The following PCDHGA4 variants were observed in gnomAD, a reference collection of about 807,000 sequenced individuals.
The protein encoded by PCDHGA4 is protocadherin gamma subfamily A, 4, also known as protocadherin gamma-A4.
A neutral mutation model predicts 54.6 loss-of-function variants in PCDHGA4; 38 were observed. The observed-to-expected ratio is 0.70, with a 90% CI of 0.54 to 0.91. The LOEUF (loss-of-function observed/expected upper bound fraction) is 0.91, where lower values mean the gene tolerates loss of function less well. PCDHGA4 is among the 40% of genes least tolerant of loss of function. The pLI is 0.00. For synonymous variants in PCDHGA4, 511 were observed against 512.9 expected, an observed-to-expected ratio of 1.00 and a Z score of 0.05; for missense variants, 1,298 against 1,220.9, an observed-to-expected ratio of 1.06 and a Z score of -0.94.
At chr5:141,448,999 G>GT (rs910018882) in intron 1 of PCDHGA4, among the ~76,000 whole-genome samples, 19 of 151,698 alleles carry the variant, frequency 1.3e-4, no homozygotes, top group South Asian at 2.1e-4. Flanking sequence ...ATAGAAAGCT[G>GT]TTTTTTTTAA....
intron 1 of PCDHGA4, among the ~76,000 whole-genome samples, chr5:141,462,448 G>A (rs1435453503): frequency 6.6e-6 from 1 of 152,022 alleles, no homozygotes; most frequent in Non-Finnish European, 1.5e-5. Context: ...ACACAACTGT[G>A]TAACTGAAAA....
Position 141,477,310 on chromosome 5 carries a change from C to T in PCDHGA4, c.2515-17497C>T. On this transcript the variant is annotated intron_variant, in intron 1 of 3. Coordinates refer to ENST00000571252, the MANE Select transcript of PCDHGA4 (RefSeq NM_018917.4). This position sits in a 1 kb window ranked among gnomAD's most constrained non-coding sequence, Gnocchi z 4.9. ...AAGTTCCACCGGGTCTCCCTTTCAGCCTTACTTCTTCCCTCAAGAATTACT... is the reference window on the plus strand; with the variant it reads ...AAGTTCCACCGGGTCTCCCTTTCAGTCTTACTTCTTCCCTCAAGAATTACT... The T allele has an allele frequency of 6.2e-7, 1 of 1,614,154 alleles. No homozygotes were observed. Among genetic ancestry groups the T allele is most frequent in the Non-Finnish European group, 8.5e-7 (1 of 1,180,018 alleles).
intron 1 of PCDHGA4, chr5:141,361,453 C>G (rs758759325): frequency 1.2e-6 from 2 of 1,614,046 alleles, no homozygotes; most frequent in Non-Finnish European, 1.7e-6. Flanking sequence ...AATTGTCACC[C>G]TGCACATCTC....
At chr5:141,360,382 GACTT>G (rs771983102) in intron 1 of PCDHGA4, 1 of 1,613,906 alleles carries the variant, frequency 6.2e-7, no homozygotes, top group Non-Finnish European at 8.5e-7. Context: ...AGAAAGCGGA[GACTT>G]ACTTGTGAGT....
At chr5:141,419,094 G>C in intron 1 of PCDHGA4, 2 of 1,613,894 alleles carry the variant, frequency 1.2e-6, no homozygotes, top group Non-Finnish European at 1.7e-6. Context: ...GCCCTGGATC[G>C]GGAGCAGACC....
At chr5:141,394,446 A>C in intron 1 of PCDHGA4, 1 of 1,614,246 alleles carries the variant, frequency 6.2e-7, no homozygotes, top group Non-Finnish European at 8.5e-7. Flanking sequence ...CCTCAGCAGC[A>C]ACATGTCACT....
chr5:141,466,297 A>G (rs1206472131), intron 1 of PCDHGA4, among the ~76,000 whole-genome samples: 3 of 152,146 alleles, frequency 2.0e-5, no homozygotes, highest in East Asian at 1.9e-4. Flanking sequence ...CAGGCTCCCA[A>G]GTAGCTGGGA....
At chr5:141,387,655 C>T (rs2091029456) in intron 1 of PCDHGA4, 1 of 644,664 alleles carries the variant, frequency 1.6e-6, no homozygotes, top group Admixed American at 3.3e-5. Context: ...AAGTGGAGAG[C>T]TTGGCGCTCC....
chr5:141,485,060 G>C lies in PCDHGA4; in HGVS notation c.2515-9747G>C. ...ACCCTTGCGGCGCCGGCCGAACCGCGCCAGAGCTGGCGCGGGGAAAGGGAG... is the reference window on the plus strand; with the variant it reads ...ACCCTTGCGGCGCCGGCCGAACCGCCCCAGAGCTGGCGCGGGGAAAGGGAG... On this transcript the variant is annotated intron_variant, in intron 1 of 3. Transcript: ENST00000571252. This position sits in a 1 kb window ranked among gnomAD's most constrained non-coding sequence, Gnocchi z 5.7. 1 of 862,304 alleles carries C rather than the reference G, an allele frequency of 1.2e-6. No individual in the cohort carries two copies. The highest frequency in any genetic ancestry group is 1.9e-6 in the Non-Finnish European group (1 of 540,422). 53.4% of individuals were successfully genotyped at this position (862,304 alleles called of 1,614,324 possible).
chr5:141,371,113 C>A lies in PCDHGA4; in HGVS notation c.2514+13492C>A. The A allele has an allele frequency of 6.2e-7, 1 of 1,613,950 alleles. No homozygotes were observed. Among genetic ancestry groups the A allele is most frequent in the Non-Finnish European group, 8.5e-7 (1 of 1,179,846 alleles). ...GTCGCAGATGCAAATGATAACCCCC[C>A]AGTATTTACTCAGGACATGTACAGG... On this transcript the variant is annotated intron_variant, in intron 1 of 3. Coordinates refer to ENST00000571252, the MANE Select transcript of PCDHGA4 (RefSeq NM_018917.4).
chr5:141,441,835 G>A (rs1423189098), intron 1 of PCDHGA4: 9 of 353,636 alleles, frequency 2.5e-5, no homozygotes, highest in Admixed American at 2.1e-4. Flanking sequence ...CAATGGCTTC[G>A]CGCTCTTGGA....
At chr5:141,433,362 T>C (rs1285511534) in intron 1 of PCDHGA4, 6 of 299,814 alleles carry the variant, frequency 2.0e-5, no homozygotes, top group Non-Finnish European at 2.5e-5. Flanking sequence ...TGTCTGCCTA[T>C]CTATCTATCT....
intron 1 of PCDHGA4, among the ~76,000 whole-genome samples, chr5:141,475,339 T>C (rs1295364417): frequency 1.3e-5 from 2 of 152,188 alleles, no homozygotes; most frequent in Non-Finnish European, 2.9e-5. Flanking sequence ...AACAATGACA[T>C]CCAGTTTTAA....
chr5:141,468,315 C>T (rs1197043569), intron 1 of PCDHGA4: 4 of 120,552 alleles, frequency 3.3e-5, no homozygotes, highest in Non-Finnish European at 5.0e-5. Context: ...ACAAGAGCAA[C>T]GGTAAACTCC....
intron 1 of PCDHGA4, among the ~76,000 whole-genome samples, chr5:141,456,955 T>A (rs1352654794): frequency 2.6e-5 from 4 of 151,974 alleles, no homozygotes; most frequent in African/African-American, 7.3e-5. Flanking sequence ...AGAGCAAAAC[T>A]CCATCTCAAA....
At position 141,355,705 on chromosome 5, in the gene PCDHGA4, G is replaced by A. The variant is rs752821491; in HGVS notation, c.598G>A (p.Gly200Ser). The A allele has an allele frequency of 1.2e-6, 2 of 1,613,940 alleles. No individual in the cohort carries two copies. The highest frequency in any genetic ancestry group is 1.7e-6 in the Non-Finnish European group (2 of 1,179,888). ...GGATGTAGGTGTAAACTCCCTGCAG[G>A]GTTACCAGCTCAACTCAAACGGTTA... Reference protein sequence around the residue: ...DPDVGVNSLQGYQLNSNGYFS... With the variant: ...DPDVGVNSLQSYQLNSNGYFS... Residue 200 changes from glycine (G) to serine (S), a missense_variant, in exon 1 of 4, where the codon GGT (glycine) becomes AGT (serine). By Grantham distance (56) the Gly-to-Ser change is moderately conservative (BLOSUM62 0). Transcript: ENST00000571252.
At chr5:141,475,980 C>T (rs758066578) in intron 1 of PCDHGA4, 45 of 1,028,498 alleles carry the variant, frequency 4.4e-5, no homozygotes, top group Non-Finnish European at 6.2e-5. Flanking sequence ...ACTGAACAGC[C>T]GGCGAGCAAA....
At chr5:141,497,503 C>CTGCTTCCT (rs1042765123) in intron 2 of PCDHGA4, among the ~76,000 whole-genome samples, 57 of 151,054 alleles carry the variant, frequency 3.8e-4, no homozygotes, top group African/African-American at 1.4e-3. Flanking sequence ...TCTCCTCTCT[C>CTGCTTCCT]TGCTTCCTTA....
At chr5:141,405,672 G>C (rs755545370) in intron 1 of PCDHGA4, among the ~76,000 whole-genome samples, 3 of 152,024 alleles carry the variant, frequency 2.0e-5, no homozygotes, top group Non-Finnish European at 4.4e-5. Flanking sequence ...GAGACGGGGT[G>C]TCACCATGTT....
Sources: allele counts gnomAD v4.1 joint callset (sites outside exome capture counted in the v4.1 genomes callset), GRCh38; gene constraint gnomAD v4.1.1; non-coding constraint Gnocchi (gnomAD v3.1); transcripts MANE v1.5; gene names NCBI Gene and HGNC (gene_info 2026-07-23, HGNC 2026-07-21).